The following FOXP2 variants were observed in gnomAD, a reference collection of about 807,000 sequenced individuals.
FOXP2 encodes forkhead box protein P2.
A neutral mutation model predicts 115.8 loss-of-function variants in FOXP2; 12 were observed. The ratio of observed to expected loss-of-function variants is 0.10; its 90% confidence interval spans 0.07 to 0.17. The LOEUF is 0.17. FOXP2 is among the 10% of genes least tolerant of loss of function. FOXP2 has a pLI of 1.00. For missense variants in FOXP2, 629 were observed against 843.5 expected (o/e 0.75, Z 3.15); for synonymous variants, 328 against 297.7 (o/e 1.10, Z -1.05).
At chr7:114,227,626 T>C (rs1794774125) in intron 1 of FOXP2, among the ~76,000 whole-genome samples, 1 of 152,076 alleles carries the variant, frequency 6.6e-6, no homozygotes, top group Non-Finnish European at 1.5e-5. Context: ...GTTAGAGGAA[T>C]ATTTGTTTAT....
intron 2 of FOXP2, among the ~76,000 whole-genome samples, chr7:114,325,880 T>C (rs749026920): frequency 1.3e-5 from 2 of 152,062 alleles, no homozygotes; most frequent in Non-Finnish European, 2.9e-5. Context: ...GAATCATAGT[T>C]TTTCCAGATG....
At chr7:114,276,677 G>T (rs746663187) in intron 1 of FOXP2, among the ~76,000 whole-genome samples, 5 of 152,084 alleles carry the variant, frequency 3.3e-5, no homozygotes, top group Non-Finnish European at 5.9e-5. Context: ...TCTGGTACTG[G>T]TTCCCATAGT....
intron 2 of FOXP2, among the ~76,000 whole-genome samples, chr7:114,481,867 G>A (rs977981706): frequency 1.3e-5 from 2 of 150,720 alleles, no homozygotes; most frequent in African/African-American, 4.9e-5. Flanking sequence ...AAATAGAAAG[G>A]CCTGATTTAT....
intron 1 of FOXP2, among the ~76,000 whole-genome samples, chr7:114,228,180 A>G (rs1794789200): frequency 6.6e-6 from 1 of 152,066 alleles, no homozygotes; most frequent in Admixed American, 6.6e-5. Context: ...AGATTATTCA[A>G]GTGCGTACTT....
At chr7:114,179,428 C>T (rs138613672) in intron 1 of FOXP2, among the ~76,000 whole-genome samples, 1 of 152,086 alleles carries the variant, frequency 6.6e-6, no homozygotes, top group African/African-American at 2.4e-5. Context: ...CTATTTCCCA[C>T]TCTTGTCATT....
chr7:114,140,888 A>G (rs1792189834), intron 1 of FOXP2, among the ~76,000 whole-genome samples: 1 of 152,216 alleles, frequency 6.6e-6, no homozygotes, highest in Admixed American at 6.5e-5. Flanking sequence ...GTGATACACA[A>G]GGATGTTTCA....
intron 3 of FOXP2, among the ~76,000 whole-genome samples, chr7:114,552,787 T>C (rs547447488): frequency 5.8e-4 from 88 of 152,252 alleles, no homozygotes; most frequent in Admixed American, 9.2e-4. Context: ...TGTAAGGTTT[T>C]TAATGAAGAA....
At chr7:114,103,433 T>A (rs568626737) in intron 1 of FOXP2, among the ~76,000 whole-genome samples, 18 of 152,232 alleles carry the variant, frequency 1.2e-4, no homozygotes, top group African/African-American at 4.3e-4. Flanking sequence ...GGTATTTATT[T>A]ATTTTTTTTA....
At chr7:114,425,799 TC>T (rs1301088510) in intron 1 of FOXP2, among the ~76,000 whole-genome samples, 1 of 151,598 alleles carries the variant, frequency 6.6e-6, no homozygotes, top group Non-Finnish European at 1.5e-5. Context: ...CTTAATTACT[TC>T]CCAGGAAGGA....
intron 2 of FOXP2, among the ~76,000 whole-genome samples, chr7:114,474,684 C>A (rs1796181730): frequency 6.6e-6 from 1 of 152,088 alleles, no homozygotes; most frequent in South Asian, 2.1e-4. Context: ...CCATTATAGA[C>A]CTGACTGCTG....
chr7:114,466,111 T>C (rs1028708783), intron 2 of FOXP2, among the ~76,000 whole-genome samples: 2 of 152,208 alleles, frequency 1.3e-5, no homozygotes, highest in African/African-American at 4.8e-5. Flanking sequence ...TTACTTTCTT[T>C]TTGAGTTCCA....
intron 3 of FOXP2, among the ~76,000 whole-genome samples, chr7:114,623,825 T>C (rs1409649856): frequency 6.6e-6 from 1 of 151,872 alleles, no homozygotes; most frequent in Non-Finnish European, 1.5e-5. Flanking sequence ...TCTCTGTGTC[T>C]GTTATTGCAC....
chr7:114,291,342 G>A (rs1023911151), intron 2 of FOXP2, among the ~76,000 whole-genome samples: 1 of 102,874 alleles, frequency 9.7e-6, no homozygotes, highest in African/African-American at 2.6e-5. Context: ...ACCTACCAAA[G>A]GTTCTACCTC....
Position 114,134,166 on chromosome 7 carries a change from T to C in FOXP2, c.-246-28778T>C, listed in dbSNP as rs184330821. Among the ~76,000 whole-genome samples the C allele has an allele frequency of 2.0e-4, 31 of 152,312 alleles. No individual in the cohort carries two copies. The East Asian group carries it at 4.8e-3, about 24-fold the overall frequency. On this transcript the variant is annotated intron_variant, in intron 1 of 19. Transcript: ENST00000635638. ...TAAAATGGGGACCGAAATTTTACTT[T>C]TAAATTTAGTAACATTAAGATCATT...
At chr7:114,332,530 T>G (rs1185699511) in intron 2 of FOXP2, among the ~76,000 whole-genome samples, 1 of 152,190 alleles carries the variant, frequency 6.6e-6, no homozygotes, top group Non-Finnish European at 1.5e-5. Context: ...CTGAGCATAT[T>G]GAAGGGTGAC....
intron 3 of FOXP2, among the ~76,000 whole-genome samples, chr7:114,602,439 G>A (rs1803079485): frequency 1.3e-5 from 2 of 151,914 alleles, no homozygotes; most frequent in African/African-American, 4.8e-5. Context: ...ATAGCTATAA[G>A]TATCTTTTAA....
chr7:114,544,312 C>T (rs1799816701), intron 3 of FOXP2, among the ~76,000 whole-genome samples: 1 of 152,150 alleles, frequency 6.6e-6, no homozygotes, highest in African/African-American at 2.4e-5. Context: ...CGCCCCCACC[C>T]TGCCCCCACC....
intron 1 of FOXP2, among the ~76,000 whole-genome samples, chr7:114,200,205 G>C (rs554528856): frequency 1.3e-4 from 20 of 152,220 alleles, no homozygotes; most frequent in Middle Eastern, 6.8e-3. Flanking sequence ...CAAGCTAATT[G>C]ATAAGAAAGC....
At chr7:114,411,630 T>C (rs1307181548), upstream of FOXP2, among the ~76,000 whole-genome samples, 2 of 152,160 alleles carry the variant, frequency 1.3e-5, no homozygotes, top group South Asian at 2.1e-4. Context: ...TTAGATTTTA[T>C]TGTTACAATG....
Sources: gnomAD v4.1 joint callset for allele counts (sites outside exome capture counted in the v4.1 genomes callset) on GRCh38, gnomAD v4.1.1 for gene constraint, MANE v1.5 for transcripts, NCBI Gene and HGNC (gene_info 2026-07-23, HGNC 2026-07-21) for gene names.